Variants in RBMS3 observed in about 807,000 individuals in gnomAD.
RBMS3 encodes RNA binding motif single stranded interacting protein 3.
Under a neutral mutation model 66.8 loss-of-function variants are expected in RBMS3, and 27 were observed. The observed-to-expected ratio is 0.40, with a 90% CI of 0.30 to 0.56. RBMS3 has a LOEUF of 0.56. Among genes scored for constraint, RBMS3 ranks in the 20% least tolerant of loss-of-function variants. RBMS3 has a pLI of 0.40. For missense variants in RBMS3, 513 were observed against 549.5 expected (o/e 0.93, Z 0.66); for synonymous variants, 188 against 183.0 (o/e 1.03, Z -0.22).
intron 4 of RBMS3, among the ~76,000 whole-genome samples, chr3:29,684,779 TAC>T (rs10570309): frequency 0.056 from 8,136 of 145,540 alleles, 248 homozygotes; most frequent in Admixed American, 0.075. Context: ...GTTTGTTATG[TAC>T]ACACACACAC....
chr3:29,800,643 T>C (rs1259549296), intron 6 of RBMS3, among the ~76,000 whole-genome samples: 1 of 152,166 alleles, frequency 6.6e-6, no homozygotes, highest in Non-Finnish European at 1.5e-5. Context: ...AGCAATGCAA[T>C]TTTAAAACTC....
At chr3:29,916,714 A>G (rs192535734) in intron 10 of RBMS3, among the ~76,000 whole-genome samples, 9 of 152,160 alleles carry the variant, frequency 5.9e-5, no homozygotes, top group Admixed American at 2.0e-4. Flanking sequence ...ATAAGAGAAT[A>G]CGAAACATGT....
At chr3:29,560,143 C>T (rs959180354) in intron 3 of RBMS3, among the ~76,000 whole-genome samples, 1 of 152,262 alleles carries the variant, frequency 6.6e-6, no homozygotes, top group South Asian at 2.1e-4. Context: ...ATCCAAGCAT[C>T]CTCTTACAGA....
intron 4 of RBMS3, among the ~76,000 whole-genome samples, chr3:29,691,938 T>TCTCTCTCG (rs1307526334): frequency 4.0e-4 from 50 of 125,860 alleles, no homozygotes; most frequent in African/African-American, 1.5e-3. Context: ...CCCTTCTCTC[T>TCTCTCTCG]CTCTCTCTCT....
intron 3 of RBMS3, among the ~76,000 whole-genome samples, chr3:29,573,321 A>G (rs896890951): frequency 6.6e-6 from 1 of 152,084 alleles, no homozygotes; most frequent in African/African-American, 2.4e-5. Context: ...GGGTTTCACC[A>G]TGTTGGCCAG....
intron 1 of RBMS3, among the ~76,000 whole-genome samples, chr3:29,312,725 G>C (rs1336529527): frequency 6.7e-6 from 1 of 149,308 alleles, no homozygotes; most frequent in African/African-American, 2.5e-5. Flanking sequence ...CTCACCTAAA[G>C]AGTCCATCTG....
At chr3:29,618,664 A>G (rs1446577861) in intron 4 of RBMS3, among the ~76,000 whole-genome samples, 1 of 152,024 alleles carries the variant, frequency 6.6e-6, no homozygotes, top group Non-Finnish European at 1.5e-5. Flanking sequence ...TTTTGACAGA[A>G]AAAAAAAGGC....
At chr3:29,631,447 C>G (rs2049277901) in intron 4 of RBMS3, among the ~76,000 whole-genome samples, 1 of 151,782 alleles carries the variant, frequency 6.6e-6, no homozygotes, top group Non-Finnish European at 1.5e-5. Flanking sequence ...AGCTCAATCC[C>G]AGAGGAAATA....
intron 3 of RBMS3, among the ~76,000 whole-genome samples, chr3:29,529,081 G>C (rs2045250633): frequency 6.6e-6 from 1 of 152,082 alleles, no homozygotes. Context: ...TGGCAGAATA[G>C]TCATTTGCTC....
At chr3:29,897,694 C>A (rs2060158024) in intron 9 of RBMS3, among the ~76,000 whole-genome samples, 1 of 151,538 alleles carries the variant, frequency 6.6e-6, no homozygotes. Context: ...TTCATTCTTC[C>A]TGCTGAGTTT....
At chr3:29,711,291 A>T (rs139096940) in intron 4 of RBMS3, among the ~76,000 whole-genome samples, 13 of 152,306 alleles carry the variant, frequency 8.5e-5, no homozygotes, top group Admixed American at 4.6e-4. Flanking sequence ...AGAGGAGACT[A>T]GCGTAGTAAA....
chr3:29,744,694 G>T (rs2054799202), intron 5 of RBMS3, among the ~76,000 whole-genome samples: 1 of 151,068 alleles, frequency 6.6e-6, no homozygotes, highest in Non-Finnish European at 1.5e-5. Context: ...TGAGGCATGA[G>T]AATCGCTTGA....
chr3:29,644,513 C>T (rs1339030576), intron 4 of RBMS3, among the ~76,000 whole-genome samples: 2 of 152,124 alleles, frequency 1.3e-5, no homozygotes, highest in African/African-American at 2.4e-5. Flanking sequence ...AGATGGAACA[C>T]GTAGACTGGT....
chr3:29,502,753 T>C (rs917882760), intron 3 of RBMS3, among the ~76,000 whole-genome samples: 7 of 152,164 alleles, frequency 4.6e-5, no homozygotes, highest in African/African-American at 1.7e-4. Context: ...TCTATCTAGG[T>C]TAACTTTAAA....
chr3:29,547,177 C>T (rs1043972251), intron 3 of RBMS3, among the ~76,000 whole-genome samples: 1 of 152,062 alleles, frequency 6.6e-6, no homozygotes, highest in African/African-American at 2.4e-5. Context: ...ATTGTCCAGG[C>T]TGGTTTTGAA....
At chr3:29,468,091 T>A (rs1575906839) in intron 2 of RBMS3, among the ~76,000 whole-genome samples, 2 of 152,174 alleles carry the variant, frequency 1.3e-5, no homozygotes, top group African/African-American at 4.8e-5. Context: ...GTCTCATCTA[T>A]ATAAATGTAT....
At chr3:29,850,898 C>G (rs2058917913) in intron 6 of RBMS3, among the ~76,000 whole-genome samples, 1 of 152,192 alleles carries the variant, frequency 6.6e-6, no homozygotes, top group African/African-American at 2.4e-5. Flanking sequence ...TCTCCTCTCC[C>G]ATCACCCTCC....
At chr3:29,312,516 C>T (rs1354394471) in intron 1 of RBMS3, among the ~76,000 whole-genome samples, 12 of 151,578 alleles carry the variant, frequency 7.9e-5, no homozygotes, top group Admixed American at 5.3e-4. Flanking sequence ...TAGTAAGTGA[C>T]CACAAATTTA....
chr3:29,738,489 T>C (rs2054478051), intron 4 of RBMS3, among the ~76,000 whole-genome samples: 1 of 152,200 alleles, frequency 6.6e-6, no homozygotes, highest in South Asian at 2.1e-4. Context: ...TAGAGAAAAT[T>C]GATACACACA....
Sources: gnomAD v4.1 joint callset for allele counts (sites outside exome capture counted in the v4.1 genomes callset) on GRCh38, gnomAD v4.1.1 for gene constraint, MANE v1.5 for transcripts, NCBI Gene and HGNC (gene_info 2026-07-23, HGNC 2026-07-21) for gene names.